SLC39A11: variants seen among roughly 807,000 people sequenced by gnomAD.
SLC39A11 encodes the protein zinc transporter ZIP11.
A neutral mutation model predicts 36.1 loss-of-function variants in SLC39A11; 33 were observed. The observed-to-expected ratio is 0.91, with a 90% CI of 0.69 to 1.22. The LOEUF (loss-of-function observed/expected upper bound fraction) is 1.22. Ranked by LOEUF, SLC39A11 falls within the 50% of genes most tolerant of loss-of-function variation. SLC39A11 has a pLI of 0.00. For missense variants in SLC39A11, 432 were observed against 430.3 expected, an observed-to-expected ratio of 1.00 and a Z score of -0.03; for synonymous variants, 166 against 170.3, an observed-to-expected ratio of 0.97 and a Z score of 0.20.
At chr17:72,988,758 G>C (rs1254544365) in intron 4 of SLC39A11, among the ~76,000 whole-genome samples, 1 of 151,982 alleles carries the variant, frequency 6.6e-6, no homozygotes. Flanking sequence ...GCCCAGTCTG[G>C]AGTGCAGCGG....
intron 6 of SLC39A11, among the ~76,000 whole-genome samples, chr17:72,807,147 T>C (rs1191778656): frequency 6.6e-6 from 1 of 152,256 alleles, no homozygotes; most frequent in South Asian, 2.1e-4. Flanking sequence ...TAGCATCCTC[T>C]TCTTCTCCCT....
chr17:72,790,974 A>C (rs1226549336), intron 6 of SLC39A11, among the ~76,000 whole-genome samples: 2 of 152,214 alleles, frequency 1.3e-5, no homozygotes, highest in Non-Finnish European at 2.9e-5. Flanking sequence ...ACAAATCCCC[A>C]GCTCCCTCAC....
At chr17:72,924,546 C>T (rs1029877624) in intron 5 of SLC39A11, among the ~76,000 whole-genome samples, 1 of 152,100 alleles carries the variant, frequency 6.6e-6, no homozygotes, top group African/African-American at 2.4e-5. Context: ...GAGACTGTGA[C>T]CACAGGGGAC....
At chr17:72,890,700 T>C (rs2081694489) in intron 5 of SLC39A11, among the ~76,000 whole-genome samples, 1 of 152,190 alleles carries the variant, frequency 6.6e-6, no homozygotes, top group Admixed American at 6.5e-5. Context: ...GAAAGAAAGC[T>C]TGGCTGGAGA....
intron 4 of SLC39A11, among the ~76,000 whole-genome samples, chr17:72,975,116 A>T (rs1212862212): frequency 6.6e-6 from 1 of 152,090 alleles, no homozygotes; most frequent in Non-Finnish European, 1.5e-5. Flanking sequence ...GGCCTTTGGG[A>T]GATGATTAGG....
chr17:72,968,353 ATCTC>A (rs920527675), intron 4 of SLC39A11, among the ~76,000 whole-genome samples: 1 of 151,928 alleles, frequency 6.6e-6, no homozygotes, highest in Non-Finnish European at 1.5e-5. Context: ...CTGCATGACG[ATCTC>A]TCTCTCTCTC....
intron 6 of SLC39A11, among the ~76,000 whole-genome samples, chr17:72,794,506 T>G (rs1230320858): frequency 6.6e-6 from 1 of 152,100 alleles, no homozygotes; most frequent in Non-Finnish European, 1.5e-5. Flanking sequence ...GTGCTTATCA[T>G]GGTCCCCAAG....
intron 6 of SLC39A11, among the ~76,000 whole-genome samples, chr17:72,812,480 G>C (rs889577519): frequency 6.6e-6 from 1 of 152,202 alleles, no homozygotes; most frequent in Admixed American, 6.5e-5. Context: ...AAAAGAAATG[G>C]TTAGCCACAC....
At chr17:72,785,343 G>A (rs1008716657) in intron 6 of SLC39A11, among the ~76,000 whole-genome samples, 3 of 152,108 alleles carry the variant, frequency 2.0e-5, no homozygotes, top group Admixed American at 2.0e-4. Context: ...CTCCTCCATG[G>A]CTAGATGTTT....
chr17:73,052,862 G>C (rs987192754), intron 3 of SLC39A11, among the ~76,000 whole-genome samples: 2 of 152,050 alleles, frequency 1.3e-5, no homozygotes, highest in Admixed American at 6.6e-5. Flanking sequence ...CATCATGCCT[G>C]GCTAATTTTT....
intron 3 of SLC39A11, among the ~76,000 whole-genome samples, chr17:73,058,363 A>C (rs1191626178): frequency 1.3e-5 from 2 of 152,184 alleles, no homozygotes; most frequent in African/African-American, 2.4e-5. Context: ...GAAAAGATAG[A>C]TAGGTCCTTG....
At chr17:72,864,767 G>C (rs1422569088) in intron 5 of SLC39A11, among the ~76,000 whole-genome samples, 6 of 152,112 alleles carry the variant, frequency 3.9e-5, no homozygotes, top group Non-Finnish European at 8.8e-5. Flanking sequence ...TGTCAGTCTG[G>C]GTGATTGTGA....
chr17:72,659,574 CTTTTTTTTTTTTTT>C (rs34383683), intron 7 of SLC39A11, among the ~76,000 whole-genome samples: 2 of 61,202 alleles, frequency 3.3e-5, no homozygotes, highest in African/African-American at 1.2e-4. Context: ...CTCTGTGACT[CTTTTTTTTTTTTTT>C]TTTTTTTTTT....
At chr17:73,091,438 T>C (rs969575160) in intron 1 of SLC39A11, among the ~76,000 whole-genome samples, 2 of 151,790 alleles carry the variant, frequency 1.3e-5, no homozygotes, top group Admixed American at 6.6e-5. Flanking sequence ...AGCAAGGCTC[T>C]GTCTCAAAAA....
At chr17:72,909,381 A>G (rs927919533) in intron 5 of SLC39A11, among the ~76,000 whole-genome samples, 1 of 152,344 alleles carries the variant, frequency 6.6e-6, no homozygotes, top group East Asian at 1.9e-4. Flanking sequence ...TCAGAAACAC[A>G]TTGACTTGAA....
rs570901489 is a variant in SLC39A11, at chr17:73,090,678, C to T, written c.-11-1903G>A. On this transcript the variant is annotated intron_variant, in intron 1 of 9. Coordinates refer to ENST00000255559, the MANE Select transcript of SLC39A11 (RefSeq NM_139177.4). ...GCCTCTTGACAGCTACAGAAGAGAG[C>T]AAACAATTTACATTTGCCAACAGGC... 7.2e-5 allele frequency among the ~76,000 whole-genome samples: 11 copies of T among 152,314 alleles called. No individual in the cohort carries two copies. The East Asian group carries it at 1.9e-3, about 27-fold the overall frequency.
chr17:72,936,411 T>TAAAAAAAAAAAAAAAAAAAAA (rs746428868), intron 5 of SLC39A11, among the ~76,000 whole-genome samples: 2 of 73,448 alleles, frequency 2.7e-5, no homozygotes, highest in African/African-American at 1.0e-4. Context: ...TGAAAAAAAG[T>TAAAAAAAAAAAAAAAAAAAAA]AAAAAAAAAA....
At chr17:72,653,065 G>A (rs1317212879) in intron 7 of SLC39A11, among the ~76,000 whole-genome samples, 2 of 151,904 alleles carry the variant, frequency 1.3e-5, no homozygotes, top group Non-Finnish European at 2.9e-5. Context: ...GGGGCATTCT[G>A]ATGAGCCTGG....
rs1381669917 is a variant in SLC39A11, at chr17:72,646,752, T to A, written c.*832A>T. 1 of 152,604 alleles carries A rather than the reference T, an allele frequency of 6.6e-6. No individual in the cohort carries two copies. Among genetic ancestry groups the A allele is most frequent in the Non-Finnish European group, 1.5e-5 (1 of 68,032 alleles). 9.5% of individuals were successfully genotyped at this position (152,604 alleles called of 1,614,324 possible). On this transcript the variant is annotated 3_prime_UTR_variant, in exon 10 of 10. Transcript: ENST00000255559. ...GGTGTCTCCAAGTCTCTTAGAAACA[T>A]GATGGCTATAAACTTATCAAAATAA...
Sources: allele counts gnomAD v4.1 joint callset (sites outside exome capture counted in the v4.1 genomes callset), GRCh38; gene constraint gnomAD v4.1.1; transcripts MANE v1.5; gene names NCBI Gene and HGNC (gene_info 2026-07-23, HGNC 2026-07-21).